Variants in SCGB3A2 observed in about 807,000 individuals in gnomAD.
SCGB3A2 encodes pneumo secretory protein 1.
SCGB3A2 carries 5 observed loss-of-function variants against 7.7 expected under a neutral mutation model. The observed-to-expected ratio is 0.65, with a 90% confidence interval of 0.34 to 1.36. The LOEUF (loss-of-function observed/expected upper bound fraction) is 1.36. SCGB3A2 is among the 40% of genes most tolerant of loss of function. The pLI, the probability that SCGB3A2 is intolerant of heterozygous loss-of-function variation, is 0.04. For synonymous variants in SCGB3A2, 44 were observed against 42.7 expected (o/e 1.03, Z -0.12); for missense variants, 109 against 103.6 (o/e 1.05, Z -0.23).
intron 2 of SCGB3A2, 35 bp from the exon 3 acceptor site, chr5:147,881,992 G>A (rs1757356142): frequency 6.2e-7 from 1 of 1,611,192 alleles, no homozygotes; most frequent in African/African-American, 1.3e-5. Context: ...TTACATGTAA[G>A]CTGCTCTAAA....
intron 1 of SCGB3A2, among the ~76,000 whole-genome samples, chr5:147,879,583 G>A (rs17703574): frequency 1.3e-5 from 2 of 152,244 alleles, no homozygotes; most frequent in East Asian, 1.9e-4. Context: ...TCAGGTAAGG[G>A]TATAGAAGCT....
rs986542969 is a variant in SCGB3A2 at position 147,878,778 on chromosome 5, C to A, written c.-26C>A. On this transcript the variant is annotated 5_prime_UTR_variant, in exon 1 of 3. Coordinates refer to ENST00000296694, the MANE Select transcript of SCGB3A2 (RefSeq NM_054023.5). ...GCTAGATTTTTCTGATTTTTAAACT[C>A]CTGAAAAATATCCCAGATAACTGTC... 1.9e-6 allele frequency: 3 copies of A among 1,599,648 alleles called. No homozygotes were observed. The African/African-American group carries it at 4.1e-5, about 22-fold the overall frequency.
chr5:147,880,460 C>G (rs558651173), intron 1 of SCGB3A2, among the ~76,000 whole-genome samples: 2 of 152,254 alleles, frequency 1.3e-5, no homozygotes, highest in African/African-American at 4.8e-5. Context: ...TATTGGAAAT[C>G]TGCACTCCAG....
intron 1 of SCGB3A2, chr5:147,881,206 G>A (rs1191612182): frequency 2.7e-5 from 13 of 483,150 alleles, no homozygotes; most frequent in Middle Eastern, 5.4e-4. Flanking sequence ...AGGCTTCTCC[G>A]AGGAGGTAAT....
At position 147,881,316 on chromosome 5, in the gene SCGB3A2, G is replaced by A. The variant is rs1277707107; in HGVS notation, c.56-130G>A. On this transcript the variant is annotated intron_variant, in intron 1 of 2. Coordinates refer to ENST00000296694, the MANE Select transcript of SCGB3A2 (RefSeq NM_054023.5). Reference sequence around the variant, plus strand: ...GAACAGCAGGTGCAAAGGGCCAGAGGTAGAAGTTTTCAATGGAAGTAAGAT... The same window carrying A: ...GAACAGCAGGTGCAAAGGGCCAGAGATAGAAGTTTTCAATGGAAGTAAGAT... 5 of 753,424 alleles carry A rather than the reference G, an allele frequency of 6.6e-6. No homozygotes were observed. The African/African-American group carries it at 8.7e-5, about 13-fold the overall frequency. The allele number at this position is 753,424 out of a possible 1,614,324, so 46.7% of individuals were successfully genotyped here. A position where few individuals can be genotyped will look rare whatever the true frequency, so the allele number is the denominator to read the frequency against.
chr5:147,881,571 G>A lies in SCGB3A2; in HGVS notation c.181G>A (p.Glu61Lys), dbSNP rs763418998. The A allele has an allele frequency of 6.2e-7, 1 of 1,613,984 alleles. No homozygotes were observed. Among genetic ancestry groups the A allele is most frequent in the Non-Finnish European group, 8.5e-7 (1 of 1,179,902 alleles). The change falls in exon 2 of 3, where the codon GAG (glutamate) becomes AAG (lysine). Residue 61 changes from glutamate to lysine, a missense_variant. Physicochemically the swap from Glu to Lys is moderately conservative, Grantham distance 56. Coordinates refer to ENST00000296694, the MANE Select transcript of SCGB3A2 (RefSeq NM_054023.5). ...TCTGAAAACTCTGGGCATTTCTGTT[G>A]AGCACCTTGTGGAGGGGCTAAGGAA... The part of the protein sequence containing the change: ...LLLKTLGISV[E>K]HLVEGLRKCV...
At position 147,881,614 on chromosome 5, in the gene SCGB3A2, G is replaced by A. The variant is rs1757349781; in HGVS notation, c.224G>A (p.Gly75Glu). Residue 75 changes from glycine (G) to glutamate (E), a missense_variant, in exon 2 of 3, where the codon GGA becomes GAA. Physicochemically the swap from Gly to Glu is moderately conservative, Grantham distance 98. Transcript: ENST00000296694. ...EGLRKCVNEL[G>E]PEASEAVKKL... ...CTAAGGAAGTGTGTAAATGAGCTGG[G>A]ACCAGAGGCTTCTGAAGCTGTGAAG... 6.2e-7 allele frequency: 1 copy of A among 1,613,826 alleles called. No individual in the cohort carries two copies.
intron 1 of SCGB3A2, among the ~76,000 whole-genome samples, chr5:147,879,242 A>G (rs532748807): frequency 2.0e-5 from 3 of 152,290 alleles, no homozygotes; most frequent in Non-Finnish European, 2.9e-5. Flanking sequence ...ATTTGACTTT[A>G]TAATTTCTTT....
In SCGB3A2 at chr5:147,879,814, G is replaced by T. The variant is rs183315119; in HGVS notation, c.55+956G>T. Among the ~76,000 whole-genome samples the T allele has an allele frequency of 7.3e-3, 1,108 of 152,302 alleles. 7 individuals are homozygous for T. Among genetic ancestry groups the T allele is most frequent in the Non-Finnish European group, 0.013 (907 of 68,012 alleles). On this transcript the variant is annotated intron_variant, in intron 1 of 2. Coordinates refer to ENST00000296694, the MANE Select transcript of SCGB3A2 (RefSeq NM_054023.5). ...AATAAGAAGTATGGAGATTAATAAT[G>T]AAAAATTGATTGCCGCCCACACCTA...
At chr5:147,878,989 T>C in intron 1 of SCGB3A2, 131 bp downstream of exon 1, 1 of 678,172 alleles carries the variant, frequency 1.5e-6, no homozygotes, top group Non-Finnish European at 2.6e-6. Flanking sequence ...TTTATTTTAC[T>C]TTTAACTGAC....
Position 147,882,112 on chromosome 5 carries a change from G to C in SCGB3A2, c.*62G>C. 1.3e-6 allele frequency: 2 copies of C among 1,532,894 alleles called. No homozygotes were observed. Among genetic ancestry groups the C allele is most frequent in the Non-Finnish European group, 1.8e-6 (2 of 1,106,632 alleles). The allele number at this position is 1,532,894 out of a possible 1,614,324, so 95.0% of individuals were successfully genotyped here. On this transcript the variant is annotated 3_prime_UTR_variant, in exon 3 of 3. Transcript: ENST00000296694. ...GATGATGCTCCTATCCTCCCTGCCTGAAACCTGTTCTACCAATTATAGATC... is the reference window on the plus strand; with the variant it reads ...GATGATGCTCCTATCCTCCCTGCCTCAAACCTGTTCTACCAATTATAGATC...
chr5:147,881,289 T>C (rs1258966451), intron 1 of SCGB3A2, among the ~76,000 whole-genome samples, 157 bp from the exon 2 acceptor site: 1 of 152,038 alleles, frequency 6.6e-6, no homozygotes, highest in African/African-American at 2.4e-5. Flanking sequence ...TCTAGGGAGA[T>C]GGAACAGCAG....
At position 147,878,856 on chromosome 5, in the gene SCGB3A2, C is replaced by A; in HGVS notation, c.53C>A (p.Ser18Tyr). 6.3e-7 allele frequency: 1 copy of A among 1,599,484 alleles called. No individual in the cohort carries two copies. Among genetic ancestry groups the A allele is most frequent in the Non-Finnish European group, 8.6e-7 (1 of 1,166,820 alleles). The change falls in exon 1 of 3, where the codon TCT becomes TAT. Residue 18 changes from serine to tyrosine, a missense_variant and splice_region_variant. Ser to Tyr is a moderately radical substitution (Grantham distance 144, BLOSUM62 -2). Coordinates refer to ENST00000296694, the MANE Select transcript of SCGB3A2 (RefSeq NM_054023.5). ...GTGACCATCAGCCTTTGTAGTTACT[C>A]TGGTAAGTAACTGGAATACATCTGG... ...LLVTISLCSY[S>Y]ATAFLINKVP...
Position 147,878,718 on chromosome 5 carries a change from G to T in SCGB3A2, c.-86G>T, listed in dbSNP as rs561609651. The T allele has an allele frequency of 1.3e-5, 13 of 999,476 alleles. No homozygotes were observed. Among genetic ancestry groups the T allele is most frequent in the Non-Finnish European group, 2.1e-5 (13 of 620,696 alleles). The allele number at this position is 999,476 out of a possible 1,614,324, so 61.9% of individuals were successfully genotyped here. ...TGTGCAAAAGCAGCCATCACACTTTGTATGGCAAGTGGAACCACTGGCTTG... is the reference window on the plus strand; with the variant it reads ...TGTGCAAAAGCAGCCATCACACTTTTTATGGCAAGTGGAACCACTGGCTTG... On this transcript the variant is annotated 5_prime_UTR_variant, in exon 1 of 3. Coordinates refer to ENST00000296694, the MANE Select transcript of SCGB3A2 (RefSeq NM_054023.5).
chr5:147,882,143 C>T lies in SCGB3A2; in HGVS notation c.*93C>T. The T allele has an allele frequency of 1.6e-6, 2 of 1,273,366 alleles. No homozygotes were observed. The highest frequency in any genetic ancestry group is 2.3e-6 in the Non-Finnish European group (2 of 872,018). 78.9% of individuals were successfully genotyped at this position (1,273,366 alleles called of 1,614,324 possible). A position where few individuals can be genotyped will look rare whatever the true frequency, so the allele number is the denominator to read the frequency against. ...TGTTCTACCAATTATAGATCAAATGCCCTAAAATGTAGTGACCCGTGAAAA... is the reference window on the plus strand; with the variant it reads ...TGTTCTACCAATTATAGATCAAATGTCCTAAAATGTAGTGACCCGTGAAAA... On this transcript the variant is annotated 3_prime_UTR_variant, in exon 3 of 3. Transcript: ENST00000296694.
intron 2 of SCGB3A2, 117 bp from the exon 3 acceptor site, chr5:147,881,910 T>G: frequency 8.9e-7 from 1 of 1,124,834 alleles, no homozygotes; most frequent in African/African-American, 1.5e-5. Flanking sequence ...TCACTCTGAG[T>G]TTTTGTTTCC....
chr5:147,882,144 C>T lies in SCGB3A2; in HGVS notation c.*94C>T. The T allele has an allele frequency of 1.6e-6, 2 of 1,273,028 alleles. No individual in the cohort carries two copies. Among genetic ancestry groups the T allele is most frequent in the Non-Finnish European group, 2.3e-6 (2 of 871,730 alleles). The allele number at this position is 1,273,028 out of a possible 1,614,324, so 78.9% of individuals were successfully genotyped here. A position where few individuals can be genotyped will look rare whatever the true frequency, so the allele number is the denominator to read the frequency against. The stretch of plus-strand genomic sequence containing the variant: ...GTTCTACCAATTATAGATCAAATGC[C>T]CTAAAATGTAGTGACCCGTGAAAAG... On this transcript the variant is annotated 3_prime_UTR_variant, in exon 3 of 3. Transcript: ENST00000296694.
In SCGB3A2 at chr5:147,881,597, G is replaced by C. The variant is rs140212139; in HGVS notation, c.207G>C (p.Lys69Asn). 6.2e-7 allele frequency: 1 copy of C among 1,613,984 alleles called. No individual in the cohort carries two copies. The highest frequency in any genetic ancestry group is 1.1e-5 in the South Asian group (1 of 91,078). The change falls in exon 2 of 3, where the codon AAG becomes AAC. Residue 69 changes from lysine to asparagine, a missense_variant. Physicochemically the swap from Lys to Asn is moderately conservative, Grantham distance 94. Transcript: ENST00000296694. Reference protein sequence around the residue: ...SVEHLVEGLRKCVNELGPEAS... With the variant: ...SVEHLVEGLRNCVNELGPEAS... ...AGCACCTTGTGGAGGGGCTAAGGAA[G>C]TGTGTAAATGAGCTGGGACCAGAGG... is the stretch of plus-strand genomic sequence containing the variant.
chr5:147,880,331 C>A, intron 1 of SCGB3A2, among the ~76,000 whole-genome samples: 1 of 152,176 alleles, frequency 6.6e-6, no homozygotes, highest in East Asian at 1.9e-4. Context: ...TAGCGCCCCA[C>A]TGCCCTCAGG....
Sources: allele counts gnomAD v4.1 joint callset (sites outside exome capture counted in the v4.1 genomes callset), GRCh38; gene constraint gnomAD v4.1.1; transcripts MANE v1.5; gene names NCBI Gene and HGNC (gene_info 2026-07-23, HGNC 2026-07-21).